SIAE: variants seen among roughly 807,000 people sequenced by gnomAD.
SIAE encodes the protein sialic acid acetylesterase, also known as sialate O-acetylesterase.
Under a neutral mutation model 52.6 loss-of-function variants are expected in SIAE, and 39 were observed. The ratio of observed to expected loss-of-function variants is 0.74; its 90% CI spans 0.57 to 0.97. SIAE has a LOEUF of 0.97. Among genes scored for constraint, SIAE ranks in the 50% least tolerant of loss-of-function variants. The pLI is 0.00. For missense variants in SIAE, 592 were observed against 662.1 expected (o/e 0.89, Z 1.16); for synonymous variants, 233 against 241.4 (o/e 0.97, Z 0.32).
upstream of SIAE, chr11:124,674,101 A>G: frequency 4.2e-6 from 1 of 238,026 alleles, no homozygotes; most frequent in Middle Eastern, 1.7e-3. Flanking sequence ...CTGAAATCCC[A>G]GGTCCTCAAC....
At position 124,636,632 on chromosome 11, in the gene SIAE, A is replaced by AT; in HGVS notation, c.*318dup. The AT allele has an allele frequency of 1.1e-5, 4 of 358,642 alleles. No homozygotes were observed. Among genetic ancestry groups the AT allele is most frequent in the East Asian group, 6.4e-5 (1 of 15,582 alleles). The allele number at this position is 358,642 out of a possible 1,614,324, so 22.2% of individuals were successfully genotyped here. ...AATCCTGAGATTCCCACAACTCTGG[A>AT]TAAAAAGGGGCAAAAGTATTAGACA... On this transcript the variant is annotated 3_prime_UTR_variant, in exon 10 of 10. Transcript: ENST00000263593.
At chr11:124,673,171 G>A (rs1288822962) in intron 1 of SIAE, among the ~76,000 whole-genome samples, 2 of 152,128 alleles carry the variant, frequency 1.3e-5, no homozygotes, top group Non-Finnish European at 2.9e-5. Flanking sequence ...CCACTTAAAC[G>A]AGTAAAATTT....
chr11:124,663,400 C>A (rs536837567), intron 2 of SIAE, among the ~76,000 whole-genome samples: 5 of 152,196 alleles, frequency 3.3e-5, no homozygotes, highest in African/African-American at 1.2e-4. Flanking sequence ...CAAGGTGAAA[C>A]CCTGTCTCTA....
At chr11:124,675,451 T>C (rs1943450353), upstream of SIAE, 8 of 1,598,570 alleles carry the variant, frequency 5.0e-6, no homozygotes, top group East Asian at 1.6e-4. Context: ...TTTTTTAAAA[T>C]AAGAAACTAA....
At chr11:124,647,634 T>C in intron 6 of SIAE, 136 bp from the exon 7 acceptor site, 2 of 1,071,644 alleles carry the variant, frequency 1.9e-6, no homozygotes, top group Non-Finnish European at 2.8e-6. Context: ...TTCCAGCCAG[T>C]GGGGCATCAG....
At position 124,660,725 on chromosome 11, in the gene SIAE, A is replaced by C; in HGVS notation, c.308T>G (p.Leu103Trp). ...TCTCAGGGTGAAGTTTATTTTCTCCAAAGTCTGTTGTGCCATCACTTCGAA... is the reference window on the plus strand; with the variant it reads ...TCTCAGGGTGAAGTTTATTTTCTCCCAAGTCTGTTGTGCCATCACTTCGAA... The part of the protein sequence containing the change: ...GPFEVMAQQT[L>W]EKINFTLRVH... Residue 103 changes from leucine (L) to tryptophan (W), a missense_variant, in exon 3 of 10, where the codon TTG becomes TGG. Physicochemically the swap from Leu to Trp is moderately conservative, Grantham distance 61. Transcript: ENST00000263593. 6.2e-7 allele frequency: 1 copy of C among 1,614,218 alleles called. No homozygotes were observed. The highest frequency in any genetic ancestry group is 8.5e-7 in the Non-Finnish European group (1 of 1,180,044).
Position 124,637,040 on chromosome 11 carries a change from A to G in SIAE, c.1483T>C (p.Tyr495His). The G allele has an allele frequency of 1.2e-6, 2 of 1,614,184 alleles. No individual in the cohort carries two copies. The highest frequency in any genetic ancestry group is 1.7e-6 in the Non-Finnish European group (2 of 1,180,022). Residue 495 changes from tyrosine (Y) to histidine (H), a missense_variant, in exon 10 of 10, where the codon TAC becomes CAC. Tyr to His is a moderately conservative substitution (Grantham distance 83, BLOSUM62 2). Transcript: ENST00000263593. ...WPCEYKQCPLYHPSSALPAPP... is the reference protein window; with the variant it reads ...WPCEYKQCPLHHPSSALPAPP... ...GCTGGCAGGGCACTACTGGGGTGGTATAGGGGACACTGCTTATATTCACAA... is the reference window on the plus strand; with the variant it reads ...GCTGGCAGGGCACTACTGGGGTGGTGTAGGGGACACTGCTTATATTCACAA...
At chr11:124,674,236 C>T (rs914275341), upstream of SIAE, 1 of 152,544 alleles carries the variant, frequency 6.6e-6, no homozygotes, top group Admixed American at 6.5e-5. Context: ...ACTGCTCCCT[C>T]AGAAAAAGCA....
In SIAE at chr11:124,661,222, T is replaced by C. The variant is rs145322009; in HGVS notation, c.230-419A>G. Among the ~76,000 whole-genome samples the C allele has an allele frequency of 3.5e-3, 538 of 152,308 alleles. 4 individuals are homozygous for C. The highest frequency in any genetic ancestry group is 0.012 in the African/African-American group (518 of 41,560). On this transcript the variant is annotated intron_variant, in intron 2 of 9. Coordinates refer to ENST00000263593, the MANE Select transcript of SIAE (RefSeq NM_170601.5). The stretch of plus-strand genomic sequence containing the variant: ...CTCAATTGAATGTGACCACAGGGTA[T>C]AGAAAATCAATGATAATCTGGAACT...
chr11:124,636,869 G>A lies in SIAE; in HGVS notation c.*82C>T, dbSNP rs1455657948. 11 of 1,587,520 alleles carry A rather than the reference G, an allele frequency of 6.9e-6. No individual in the cohort carries two copies. The highest frequency in any genetic ancestry group is 8.6e-7 in the Non-Finnish European group (1 of 1,158,210). On this transcript the variant is annotated 3_prime_UTR_variant, in exon 10 of 10. Transcript: ENST00000263593. ...GGCTTTCTATTAATTTCCTTTAAAA[G>A]CAATGGTTATTATTGAAACTCCTAA... is the stretch of plus-strand genomic sequence containing the variant.
In SIAE at chr11:124,638,549, A is replaced by G. The variant is rs1942788974; in HGVS notation, c.1313T>C (p.Ile438Thr). 1.2e-6 allele frequency: 2 copies of G among 1,614,124 alleles called. No individual in the cohort carries two copies. The highest frequency in any genetic ancestry group is 1.7e-6 in the Non-Finnish European group (2 of 1,179,980). Residue 438 changes from isoleucine (I) to threonine (T), a missense_variant, in exon 9 of 10, where the codon ATA (isoleucine) becomes ACA (threonine). Transcript: ENST00000263593. The part of the protein sequence containing the change: ...QIQVQKKDNK[I>T]FEISCCSDHR... The stretch of plus-strand genomic sequence containing the variant: ...TTCTGCTGTTCTTCTCACCTCAAAT[A>G]TCTTGTTGTCCTTTTTCTGCACCTG...
In SIAE at chr11:124,658,527, G is replaced by C. The variant is rs138081391; in HGVS notation, c.405+2101C>G. On this transcript the variant is annotated intron_variant, in intron 3 of 9. Coordinates refer to ENST00000263593, the MANE Select transcript of SIAE (RefSeq NM_170601.5). The stretch of plus-strand genomic sequence containing the variant: ...TGATGGATATTGGCCATCTTTTTCT[G>C]AGCATAACTAGAAATATCCAAATCT... Among the ~76,000 whole-genome samples, 1,045 of 152,262 alleles carry C rather than the reference G, an allele frequency of 6.9e-3. 18 individuals are homozygous for C. The highest frequency in any genetic ancestry group is 0.024 in the African/African-American group (989 of 41,544).
intron 3 of SIAE, 129 bp from the exon 4 acceptor site, chr11:124,654,922 A>C: frequency 1.1e-4 from 108 of 1,015,968 alleles, no homozygotes; most frequent in East Asian, 2.0e-4. Flanking sequence ...ACCAAAACCA[A>C]TGGGCTGCAC....
chr11:124,639,722 G>C lies in SIAE; in HGVS notation c.1112C>G (p.Ser371Trp). Reference sequence around the variant, plus strand: ...GAAGCAATCATACCTGCCAAAAGGCGAGTCTCTATCACAGAGATCCATAGC... The same window carrying C: ...GAAGCAATCATACCTGCCAAAAGGCCAGTCTCTATCACAGAGATCCATAGC... ...AVAMDLCDRD[S>W]PFGSIHPRDK... Residue 371 changes from serine (S) to tryptophan (W), a missense_variant, in exon 8 of 10, where the codon TCG (serine) becomes TGG (tryptophan). Physicochemically the swap from Ser to Trp is radical, Grantham distance 177. Transcript: ENST00000263593. 6.2e-7 allele frequency: 1 copy of C among 1,614,044 alleles called. No homozygotes were observed. The highest frequency in any genetic ancestry group is 1.1e-5 in the South Asian group (1 of 91,078).
At chr11:124,675,416 A>C (rs775353987), upstream of SIAE, 2 of 1,595,956 alleles carry the variant, frequency 1.3e-6, no homozygotes, top group Non-Finnish European at 1.7e-6. Context: ...GAGAAAAGAG[A>C]GAGTAAGCTT....
At chr11:124,643,048 CCCA>C (rs1942873891) in intron 7 of SIAE, among the ~76,000 whole-genome samples, 1 of 152,160 alleles carries the variant, frequency 6.6e-6, no homozygotes, top group Admixed American at 6.5e-5. Flanking sequence ...GCCATGCACG[CCCA>C]GACTTCTCAC....
intron 6 of SIAE, 91 bp downstream of exon 6, chr11:124,647,975 A>T (rs1452391386): frequency 3.0e-6 from 3 of 994,328 alleles, no homozygotes; most frequent in Non-Finnish European, 4.8e-6. Flanking sequence ...TTATAAAGTT[A>T]TTGTTGCTTT....
intron 2 of SIAE, among the ~76,000 whole-genome samples, chr11:124,665,290 C>T (rs970900406): frequency 6.6e-6 from 1 of 152,150 alleles, no homozygotes; most frequent in African/African-American, 2.4e-5. Context: ...TGATTAAAGT[C>T]CCTAATCATT....
Position 124,639,740 on chromosome 11 carries a change from T to G in SIAE, c.1094A>C (p.Asp365Ala). The G allele has an allele frequency of 1.2e-6, 2 of 1,614,136 alleles. No homozygotes were observed. Among genetic ancestry groups the G allele is most frequent in the Non-Finnish European group, 1.7e-6 (2 of 1,180,002 alleles). The change falls in exon 8 of 10, where the codon GAT becomes GCT. Residue 365 changes from aspartate (D) to alanine (A), a missense_variant. Coordinates refer to ENST00000263593, the MANE Select transcript of SIAE (RefSeq NM_170601.5). Reference sequence around the variant, plus strand: ...AAAAGGCGAGTCTCTATCACAGAGATCCATAGCTACAGCCATGAAAGTATT... The same window carrying G: ...AAAAGGCGAGTCTCTATCACAGAGAGCCATAGCTACAGCCATGAAAGTATT... Reference protein sequence around the residue: ...MPNTFMAVAMDLCDRDSPFGS... With the variant: ...MPNTFMAVAMALCDRDSPFGS...
Sources: allele counts gnomAD v4.1 joint callset (sites outside exome capture counted in the v4.1 genomes callset), GRCh38; gene constraint gnomAD v4.1.1; transcripts MANE v1.5; gene names NCBI Gene and HGNC (gene_info 2026-07-23, HGNC 2026-07-21).